The following LCN9 variants were observed in gnomAD, a reference collection of about 807,000 sequenced individuals.
The protein encoded by LCN9 is lipocalin 9.
Under a neutral mutation model 18.5 loss-of-function variants are expected in LCN9, and 22 were observed. The observed-to-expected ratio is 1.19, with a 90% CI of 0.85 to 1.70. LCN9 has a LOEUF of 1.70. LCN9 is among the 40% of genes most tolerant of loss of function. LCN9 has a pLI of 0.00. For missense variants in LCN9, 202 were observed against 201.3 expected (o/e 1.00, Z -0.02); for synonymous variants, 89 against 83.0 (o/e 1.07, Z -0.39).
chr9:135,665,109 G>C lies in LCN9; in HGVS notation c.308-136G>C, dbSNP rs571398717. ...CCCCCTGTGCAGGGGTCTCCGCTGG[G>C]TGAGCACCGTGGGCTCCTCCCCTCC... is the stretch of plus-strand genomic sequence containing the variant. On this transcript the variant is annotated intron_variant, in intron 3 of 5. Coordinates refer to ENST00000619315, the Ensembl canonical transcript of LCN9. This position sits in a 1 kb window ranked among gnomAD's most constrained non-coding sequence, Gnocchi z 5.9. 1.5e-6 allele frequency: 1 copy of C among 686,722 alleles called. No homozygotes were observed. The highest frequency in any genetic ancestry group is 1.7e-5 in the African/African-American group (1 of 57,194). 42.5% of individuals were successfully genotyped at this position (686,722 alleles called of 1,614,324 possible). A position where few individuals can be genotyped will look rare whatever the true frequency, so the allele number is the denominator to read the frequency against.
chr9:135,663,803 G>GGCCCT (rs1564285757), intron 1 of LCN9, among the ~76,000 whole-genome samples: 1 of 32,710 alleles, frequency 3.1e-5, no homozygotes. Flanking sequence ...GGACAGAGGG[G>GGCCCT]GACCTGGAGG....
exon 6 of LCN9, chr9:135,666,271 T>A: frequency 1.1e-6 from 1 of 891,558 alleles, no homozygotes; most frequent in Non-Finnish European, 1.7e-6. Flanking sequence ...CCGGGAAGGG[T>A]CCTTCCTGCC....
chr9:135,665,166 C>A lies in LCN9; in HGVS notation c.308-79C>A. ...AAAAGGCCACTTGACCCCCCATCCTCACTTGCGGCCACACAGCACGTGTCA... is the reference window on the plus strand; with the variant it reads ...AAAAGGCCACTTGACCCCCCATCCTAACTTGCGGCCACACAGCACGTGTCA... On this transcript the variant is annotated intron_variant, in intron 3 of 5. Coordinates refer to ENST00000619315, the Ensembl canonical transcript of LCN9. This position sits in a 1 kb window ranked among gnomAD's most constrained non-coding sequence, Gnocchi z 5.9. 1.0e-6 allele frequency: 1 copy of A among 991,806 alleles called. No individual in the cohort carries two copies. The allele number at this position is 991,806 out of a possible 1,614,324, so 61.4% of individuals were successfully genotyped here.
rs866010407 is a variant in LCN9, at chr9:135,665,590, C to T, written c.419-98C>T. The T allele has an allele frequency of 1.4e-4, 174 of 1,241,174 alleles. 1 individual carries two copies. The Middle Eastern group carries it at 4.3e-3, about 31-fold the overall frequency. 76.9% of individuals were successfully genotyped at this position (1,241,174 alleles called of 1,614,324 possible). ...CAGGGCGTGACCCCCTGCCCAGCCT[C>T]AGCACTTCCTGAGCACCCCCAGCAA... On this transcript the variant is annotated intron_variant, in intron 4 of 5. Coordinates refer to ENST00000619315, the Ensembl canonical transcript of LCN9. This position sits in a 1 kb window ranked among gnomAD's most constrained non-coding sequence, Gnocchi z 5.9.
chr9:135,665,585 A>G lies in LCN9; in HGVS notation c.419-103A>G, dbSNP rs539139135. On this transcript the variant is annotated intron_variant, in intron 4 of 5. Coordinates refer to ENST00000619315, the Ensembl canonical transcript of LCN9. The surrounding 1 kb of genome is among the most constrained non-coding windows in gnomAD (Gnocchi z 5.9). ...CTGGTCAGGGCGTGACCCCCTGCCC[A>G]GCCTCAGCACTTCCTGAGCACCCCC... The G allele has an allele frequency of 8.4e-7, 1 of 1,186,240 alleles. No homozygotes were observed. Among genetic ancestry groups the G allele is most frequent in the Admixed American group, 2.0e-5 (1 of 49,292 alleles). The allele number at this position is 1,186,240 out of a possible 1,614,324, so 73.5% of individuals were successfully genotyped here.
Position 135,664,885 on chromosome 9 carries a change from G to A in LCN9, c.307+90G>A. 1 of 1,361,372 alleles carries A rather than the reference G, an allele frequency of 7.3e-7. No individual in the cohort carries two copies. Among genetic ancestry groups the A allele is most frequent in the Non-Finnish European group, 1.0e-6 (1 of 989,494 alleles). The allele number at this position is 1,361,372 out of a possible 1,614,324, so 84.3% of individuals were successfully genotyped here. Reference sequence around the variant, plus strand: ...CATATTCTGGTGAGCACTGACTCTGGGGATTTTAGTTAAGCCCCTGACAGC... The same window carrying A: ...CATATTCTGGTGAGCACTGACTCTGAGGATTTTAGTTAAGCCCCTGACAGC... On this transcript the variant is annotated intron_variant, in intron 3 of 5. Coordinates refer to ENST00000619315, the Ensembl canonical transcript of LCN9. The surrounding 1 kb of genome is among the most constrained non-coding windows in gnomAD (Gnocchi z 4.5).
chr9:135,663,542 A>G (rs1200373115), intron 1 of LCN9, 125 bp downstream of exon 1: 10 of 467,286 alleles, frequency 2.1e-5, no homozygotes, highest in Non-Finnish European at 4.1e-5. Context: ...CTCCTCCCCA[A>G]GCTGTGACAG....
chr9:135,664,372 G>GCA lies in LCN9; in HGVS notation c.233+82_233+83dup. On this transcript the variant is annotated intron_variant, in intron 2 of 5. Transcript: ENST00000619315. The surrounding 1 kb of genome is among the most constrained non-coding windows in gnomAD (Gnocchi z 4.5). ...CACCCCAACGCATACTCTCACTCTT[G>GCA]CACACACACGCTCGCACACTCACTG... 1 of 1,558,520 alleles carries GCA rather than the reference G, an allele frequency of 6.4e-7. No homozygotes were observed. The highest frequency in any genetic ancestry group is 8.8e-7 in the Non-Finnish European group (1 of 1,136,716).
At position 135,665,588 on chromosome 9, in the gene LCN9, C is replaced by G; in HGVS notation, c.419-100C>G. 1.6e-6 allele frequency: 2 copies of G among 1,224,576 alleles called. No homozygotes were observed. Among genetic ancestry groups the G allele is most frequent in the East Asian group, 2.5e-5 (1 of 39,660 alleles). The allele number at this position is 1,224,576 out of a possible 1,614,324, so 75.9% of individuals were successfully genotyped here. ...GTCAGGGCGTGACCCCCTGCCCAGC[C>G]TCAGCACTTCCTGAGCACCCCCAGC... is the stretch of plus-strand genomic sequence containing the variant. On this transcript the variant is annotated intron_variant, in intron 4 of 5. Coordinates refer to ENST00000619315, the Ensembl canonical transcript of LCN9. This position sits in a 1 kb window ranked among gnomAD's most constrained non-coding sequence, Gnocchi z 5.9.
exon 6 of LCN9, chr9:135,666,152 G>C: frequency 6.3e-7 from 1 of 1,585,754 alleles, no homozygotes; most frequent in South Asian, 1.1e-5. Context: ...TCCAGGGGCT[G>C]ATGTCACCAT....
rs1220345747 is a variant in LCN9, at chr9:135,665,813, C to G, written c.*10-48C>G. ...GGACAGGGTGGGGATGGGAGGTGTG[C>G]CTGCGGGGTCCCTGTCCCTGCGCTG... On this transcript the variant is annotated intron_variant, in intron 5 of 5. Coordinates refer to ENST00000619315, the Ensembl canonical transcript of LCN9. This position sits in a 1 kb window ranked among gnomAD's most constrained non-coding sequence, Gnocchi z 5.9. The G allele has an allele frequency of 6.2e-7, 1 of 1,611,730 alleles. No homozygotes were observed. Among genetic ancestry groups the G allele is most frequent in the Non-Finnish European group, 8.5e-7 (1 of 1,178,930 alleles).
At position 135,664,129 on chromosome 9, in the gene LCN9, G is replaced by A. The variant is rs375514292; in HGVS notation, c.97-33G>A. 1.2e-4 allele frequency: 189 copies of A among 1,605,484 alleles called. No individual in the cohort carries two copies. Among genetic ancestry groups the A allele is most frequent in the Middle Eastern group, 3.5e-4 (2 of 5,686 alleles). ...CTAAGCATCCCCAGGGCTGTCCCGC[G>A]GCCCCCCACCCACTGGAGCTCTTTG... On this transcript the variant is annotated intron_variant, in intron 1 of 5. Coordinates refer to ENST00000619315, the Ensembl canonical transcript of LCN9. This position sits in a 1 kb window ranked among gnomAD's most constrained non-coding sequence, Gnocchi z 4.5.
chr9:135,665,434 G>GCCACTGCGAGACCCTCC lies in LCN9; in HGVS notation c.418+79_418+80insCCACTGCGAGACCCTCC. ...CCGGCCCAACCCTGGGCGGAGGAGGGTCTCGCAGTGGCCCTGGGGTTTGGA... is the reference window on the plus strand; with the variant it reads ...CCGGCCCAACCCTGGGCGGAGGAGGGCCACTGCGAGACCCTCCTCTCGCAGTGGCCCTGGGGTTTGGA... On this transcript the variant is annotated intron_variant, in intron 4 of 5. Transcript: ENST00000619315. This position sits in a 1 kb window ranked among gnomAD's most constrained non-coding sequence, Gnocchi z 5.9. 1 of 1,183,618 alleles carries GCCACTGCGAGACCCTCC rather than the reference G, an allele frequency of 8.4e-7. No individual in the cohort carries two copies. The highest frequency in any genetic ancestry group is 1.2e-6 in the Non-Finnish European group (1 of 815,996). The allele number at this position is 1,183,618 out of a possible 1,614,324, so 73.3% of individuals were successfully genotyped here.
Position 135,664,418 on chromosome 9 carries a change from C to T in LCN9, c.233+120C>T. ...CACTGACTTGCACTCTGGTGAGAGCCTGAGCCTGTGCGTGTGACCCTTGGG... is the reference window on the plus strand; with the variant it reads ...CACTGACTTGCACTCTGGTGAGAGCTTGAGCCTGTGCGTGTGACCCTTGGG... On this transcript the variant is annotated intron_variant, in intron 2 of 5. Coordinates refer to ENST00000619315, the Ensembl canonical transcript of LCN9. This position sits in a 1 kb window ranked among gnomAD's most constrained non-coding sequence, Gnocchi z 4.5. 1 of 1,331,922 alleles carries T rather than the reference C, an allele frequency of 7.5e-7. No individual in the cohort carries two copies. The highest frequency in any genetic ancestry group is 1.1e-6 in the Non-Finnish European group (1 of 949,952). 82.5% of individuals were successfully genotyped at this position (1,331,922 alleles called of 1,614,324 possible).
Position 135,664,563 on chromosome 9 carries a change from G to A in LCN9, c.234-159G>A, listed in dbSNP as rs1031628912. Among the ~76,000 whole-genome samples, 8 of 152,212 alleles carry A rather than the reference G, an allele frequency of 5.3e-5. No individual in the cohort carries two copies. Among genetic ancestry groups the A allele is most frequent in the Admixed American group, 2.0e-4 (3 of 15,302 alleles). ...GAGGTTCGAGGAGATGAGGGTGTCC[G>A]GTGGGCTGCAGCAGGGCCCAGCCCA... is the stretch of plus-strand genomic sequence containing the variant. On this transcript the variant is annotated intron_variant, in intron 2 of 5. Coordinates refer to ENST00000619315, the Ensembl canonical transcript of LCN9. This position sits in a 1 kb window ranked among gnomAD's most constrained non-coding sequence, Gnocchi z 4.5.
intron 1 of LCN9, 37 bp downstream of exon 1, chr9:135,663,454 G>A (rs370761371): frequency 4.4e-5 from 69 of 1,577,032 alleles, no homozygotes; most frequent in Non-Finnish European, 5.7e-5. Flanking sequence ...AAGGGGCCAG[G>A]CTTCAAGGCA....
In LCN9 at chr9:135,665,817, C is replaced by T. The variant is rs73667677; in HGVS notation, c.*10-44C>T. ...AGGGTGGGGATGGGAGGTGTGCCTG[C>T]GGGGTCCCTGTCCCTGCGCTGAGAG... On this transcript the variant is annotated intron_variant, in intron 5 of 5. Transcript: ENST00000619315. This position sits in a 1 kb window ranked among gnomAD's most constrained non-coding sequence, Gnocchi z 5.9. The T allele has an allele frequency of 1.0e-3, 1,605 of 1,611,674 alleles. 16 individuals are homozygous for T. In the African/African-American group the frequency reaches 0.014, roughly 14 times the overall value.
Position 135,664,011 on chromosome 9 carries a change from G to T in LCN9, c.97-151G>T, listed in dbSNP as rs1169491570. On this transcript the variant is annotated intron_variant, in intron 1 of 5. Coordinates refer to ENST00000619315, the Ensembl canonical transcript of LCN9. The surrounding 1 kb of genome is among the most constrained non-coding windows in gnomAD (Gnocchi z 4.5). ...GGGGGTAAAGGGGGGATCTGGTGACGAGGGGAGACCTGGGGGCACTGGAAG... is the reference window on the plus strand; with the variant it reads ...GGGGGTAAAGGGGGGATCTGGTGACTAGGGGAGACCTGGGGGCACTGGAAG... The T allele has an allele frequency of 2.3e-5, 17 of 752,542 alleles. No homozygotes were observed. In the African/African-American group the frequency reaches 2.3e-4, roughly 10 times the overall value. The allele number at this position is 752,542 out of a possible 1,614,324, so 46.6% of individuals were successfully genotyped here. A position where few individuals can be genotyped will look rare whatever the true frequency, so the allele number is the denominator to read the frequency against.
Position 135,664,755 on chromosome 9 carries a change from C to G in LCN9, c.267C>G (p.Val89=). 1 of 1,599,056 alleles carries G rather than the reference C, an allele frequency of 6.3e-7. No homozygotes were observed. Among genetic ancestry groups the G allele is most frequent in the Non-Finnish European group, 8.5e-7 (1 of 1,173,174 alleles). Residue 89 remains valine (V), a synonymous_variant, in exon 3 of 6, where the codon GTC becomes GTG. Transcript: ENST00000619315. The surrounding 1 kb of genome is among the most constrained non-coding windows in gnomAD (Gnocchi z 4.5). ...GGGAGTGTGTGGCTGTGGTCGTGGT[C>G]TGCGAGAAGACAGAGAAGAATGGGG...
Sources: gnomAD v4.1 joint callset for allele counts (sites outside exome capture counted in the v4.1 genomes callset) on GRCh38, gnomAD v4.1.1 for gene constraint, Gnocchi (gnomAD v3.1) non-coding constraint, MANE v1.5 for transcripts, NCBI Gene and HGNC (gene_info 2026-07-23, HGNC 2026-07-21) for gene names.